The following VAV2 variants were observed in gnomAD, a reference collection of about 807,000 sequenced individuals.
The protein encoded by VAV2 is vav guanine nucleotide exchange factor 2, also known as guanine nucleotide exchange factor VAV2.
In VAV2, 67 loss-of-function variants were observed where a neutral mutation model predicts 132.5. That is an observed-to-expected ratio of 0.51 (90% CI 0.42 to 0.62). The LOEUF (loss-of-function observed/expected upper bound fraction) is 0.62. Among genes scored for constraint, VAV2 ranks in the 20% least tolerant of loss-of-function variants. VAV2 has a pLI of 0.00. For missense variants in VAV2, 938 were observed against 1,153.6 expected (o/e 0.81, Z 2.71); for synonymous variants, 492 against 443.5 (o/e 1.11, Z -1.37).
chr9:133,810,383 C>T (rs186792272), intron 5 of VAV2, among the ~76,000 whole-genome samples, 178 bp from the exon 6 acceptor site: 114 of 152,322 alleles, frequency 7.5e-4, no homozygotes, highest in Middle Eastern at 3.4e-3. Context: ...GGCCAGAGCT[C>T]CCATAGCAGC....
At chr9:133,774,895 T>G in intron 25 of VAV2, 40 bp downstream of exon 25, 11 of 1,560,210 alleles carry the variant, frequency 7.1e-6, no homozygotes, top group South Asian at 1.1e-5. Flanking sequence ...CAGAACGGCA[T>G]TGGGGGATGG....
chr9:133,924,195 A>AT (rs1389064269), intron 2 of VAV2, among the ~76,000 whole-genome samples: 2 of 152,060 alleles, frequency 1.3e-5, no homozygotes, highest in African/African-American at 4.8e-5. Flanking sequence ...TTTTATTTTC[A>AT]TTTTTTTGAG....
intron 1 of VAV2, among the ~76,000 whole-genome samples, chr9:133,956,067 C>T (rs1391148259): frequency 6.6e-6 from 1 of 151,950 alleles, no homozygotes; most frequent in East Asian, 2.0e-4. Flanking sequence ...CAAAGCACAG[C>T]TTCCCAGGTG....
At chr9:133,797,906 C>G in intron 9 of VAV2, 97 bp from the exon 10 acceptor site, 1 of 1,104,156 alleles carries the variant, frequency 9.1e-7, no homozygotes, top group East Asian at 2.7e-5. Flanking sequence ...GCTGTAGGTG[C>G]GCAACCAACA....
intron 2 of VAV2, 130 bp from the exon 3 acceptor site, chr9:133,861,562 C>T (rs963512807): frequency 2.3e-5 from 22 of 965,956 alleles, no homozygotes; most frequent in Admixed American, 3.0e-5. Flanking sequence ...GTAAGAAACA[C>T]GGCATAGCGT....
intron 1 of VAV2, among the ~76,000 whole-genome samples, chr9:133,987,517 G>C (rs917710094): frequency 1.3e-5 from 2 of 152,274 alleles, no homozygotes; most frequent in African/African-American, 4.8e-5. Flanking sequence ...ACCATCGCCA[G>C]GCTGGCGTGT....
At chr9:133,849,011 T>C (rs1388733458) in intron 3 of VAV2, among the ~76,000 whole-genome samples, 3 of 152,248 alleles carry the variant, frequency 2.0e-5, no homozygotes, top group African/African-American at 7.2e-5. Flanking sequence ...TCTCAGTCTC[T>C]GAAAATGAGC....
intron 3 of VAV2, among the ~76,000 whole-genome samples, chr9:133,854,482 G>A (rs987526892): frequency 5.3e-5 from 8 of 152,378 alleles, no homozygotes; most frequent in African/African-American, 1.9e-4. Context: ...GAGAACTGGG[G>A]CTGCCCACTG....
At chr9:133,874,826 A>G (rs3780739) in intron 2 of VAV2, among the ~76,000 whole-genome samples, 14,931 of 152,210 alleles carry the variant, frequency 0.098, 833 homozygotes, top group South Asian at 0.19. Flanking sequence ...CTCCCTCCCC[A>G]GCCCACAACT....
At chr9:133,784,862 CT>C (rs1288145109) in intron 17 of VAV2, among the ~76,000 whole-genome samples, 1 of 152,172 alleles carries the variant, frequency 6.6e-6, no homozygotes, top group African/African-American at 2.4e-5. Flanking sequence ...CACAGACCCG[CT>C]GTTGGATGGC....
chr9:133,776,379 C>T (rs1833811620), intron 23 of VAV2, among the ~76,000 whole-genome samples: 1 of 121,300 alleles, frequency 8.2e-6, no homozygotes. Context: ...AGTTTTCAGC[C>T]AGTGGATGTG....
At chr9:133,810,882 G>A (rs1339378313) in intron 5 of VAV2, among the ~76,000 whole-genome samples, 1 of 152,230 alleles carries the variant, frequency 6.6e-6, no homozygotes, top group Non-Finnish European at 1.5e-5. Flanking sequence ...GCCACCTGCT[G>A]AAGTTTACCT....
chr9:133,843,134 G>C (rs1836790891), intron 3 of VAV2, among the ~76,000 whole-genome samples: 1 of 152,300 alleles, frequency 6.6e-6, no homozygotes, highest in Middle Eastern at 3.4e-3. Context: ...GTCGAACCCG[G>C]CTTTCCACCC....
intron 2 of VAV2, among the ~76,000 whole-genome samples, chr9:133,898,262 C>A (rs1159263295): frequency 6.6e-6 from 1 of 152,120 alleles, no homozygotes; most frequent in Non-Finnish European, 1.5e-5. Context: ...CTGAGTCCAG[C>A]GCTTTCTCCA....
chr9:133,847,931 A>G (rs1837001932), intron 3 of VAV2, among the ~76,000 whole-genome samples: 1 of 152,194 alleles, frequency 6.6e-6, no homozygotes. Flanking sequence ...AGGGAGGGAA[A>G]GAAGCAAGTC....
intron 3 of VAV2, among the ~76,000 whole-genome samples, chr9:133,842,808 C>T (rs941069982): frequency 2.0e-5 from 3 of 152,140 alleles, no homozygotes; most frequent in African/African-American, 4.8e-5. Flanking sequence ...TGGGACCCCA[C>T]GCCCAGGGCA....
At chr9:133,796,332 T>C in intron 11 of VAV2, 97 bp downstream of exon 11, 1 of 1,011,206 alleles carries the variant, frequency 9.9e-7, no homozygotes, top group Non-Finnish European at 1.4e-6. Flanking sequence ...CAACTTAATC[T>C]GTCTGTGGGC....
At chr9:133,771,062 CTTTTTTTTTTTTTTTT>C (rs148597917) in intron 26 of VAV2, among the ~76,000 whole-genome samples, 1 of 117,704 alleles carries the variant, frequency 8.5e-6, no homozygotes, top group Non-Finnish European at 1.7e-5. Flanking sequence ...TATGGATTTT[CTTTTTTTTTTTTTTTT>C]TTTGAGACAG....
At position 133,783,050 on chromosome 9, in the gene VAV2, C is replaced by T. The variant is rs540394691; in HGVS notation, c.1723+453G>A. 3.3e-5 allele frequency among the ~76,000 whole-genome samples: 5 copies of T among 152,274 alleles called. No homozygotes were observed. The East Asian group carries it at 7.7e-4, about 24-fold the overall frequency. On this transcript the variant is annotated intron_variant, in intron 19 of 29. Coordinates refer to ENST00000371850, the MANE Select transcript of VAV2 (RefSeq NM_001134398.2). ...CCACTGTAAGTGCCATGTGTGTATG[C>T]GTGCATGTGTGTGTGTGTCTGAACC...
Sources: gnomAD v4.1 joint callset for allele counts (sites outside exome capture counted in the v4.1 genomes callset) on GRCh38, gnomAD v4.1.1 for gene constraint, MANE v1.5 for transcripts, NCBI Gene and HGNC (gene_info 2026-07-23, HGNC 2026-07-21) for gene names.